MARCHF1: variants seen among roughly 807,000 people sequenced by gnomAD.
MARCHF1 encodes E3 ubiquitin-protein ligase MARCHF1.
In MARCHF1, 40 loss-of-function variants were observed where a neutral mutation model predicts 54.2. That is an observed-to-expected ratio of 0.74 (90% CI 0.57 to 0.96). The LOEUF (loss-of-function observed/expected upper bound fraction) is 0.96, where lower values mean the gene tolerates loss of function less well. Among genes scored for constraint, MARCHF1 ranks in the 40% least tolerant of loss-of-function variants. The pLI, the probability that MARCHF1 is intolerant of heterozygous loss-of-function variation, is 0.00. For synonymous variants in MARCHF1, 236 were observed against 236.3 expected (o/e 1.00, Z 0.01); for missense variants, 586 against 656.5 (o/e 0.89, Z 1.17).
At chr4:164,344,780 A>G (rs1730030489) in intron 1 of MARCHF1, among the ~76,000 whole-genome samples, 1 of 152,184 alleles carries the variant, frequency 6.6e-6, no homozygotes, top group African/African-American at 2.4e-5. Context: ...CATACAAAGA[A>G]ATAAAACTAA....
intron 5 of MARCHF1, among the ~76,000 whole-genome samples, chr4:163,678,808 T>C (rs1744000330): frequency 6.6e-6 from 1 of 152,248 alleles, no homozygotes. Flanking sequence ...TGCCTCACTG[T>C]TTATCCACAT....
intron 3 of MARCHF1, among the ~76,000 whole-genome samples, chr4:163,912,358 T>TAA (rs144462349): frequency 6.6e-6 from 1 of 151,712 alleles, no homozygotes; most frequent in Non-Finnish European, 1.5e-5. Flanking sequence ...TCAAGGAAAA[T>TAA]AAAAAAAGTG....
At chr4:163,562,282 C>T (rs1190752187) in intron 8 of MARCHF1, among the ~76,000 whole-genome samples, 1 of 149,410 alleles carries the variant, frequency 6.7e-6, no homozygotes, top group African/African-American at 2.5e-5. Flanking sequence ...GGCGTCAGAG[C>T]CAGACTCTGT....
chr4:163,781,116 C>T (rs1031872529), intron 4 of MARCHF1, among the ~76,000 whole-genome samples: 3 of 149,458 alleles, frequency 2.0e-5, no homozygotes, highest in South Asian at 2.2e-4. Flanking sequence ...GGCCAAGGGG[C>T]GGGGGGGGTG....
chr4:164,312,184 ACAGAGAACAGATATCC>A (rs1204197316), intron 1 of MARCHF1, among the ~76,000 whole-genome samples: 1 of 152,200 alleles, frequency 6.6e-6, no homozygotes, highest in East Asian at 1.9e-4. Context: ...AATTCAAATT[ACAGAGAACAGATATCC>A]CAGAAGCTTC....
chr4:164,231,824 C>A (rs1732421240), intron 1 of MARCHF1, among the ~76,000 whole-genome samples: 2 of 152,070 alleles, frequency 1.3e-5, no homozygotes, highest in Non-Finnish European at 2.9e-5. Context: ...GTAATAAATT[C>A]TGACAGAAAA....
At chr4:163,706,862 C>T (rs976541366) in intron 4 of MARCHF1, among the ~76,000 whole-genome samples, 37 of 152,006 alleles carry the variant, frequency 2.4e-4, no homozygotes, top group Middle Eastern at 3.4e-3. Context: ...AGGCATTGTA[C>T]ATATTAAAAC....
At chr4:163,935,341 C>T (rs2110733738) in intron 3 of MARCHF1, among the ~76,000 whole-genome samples, 1 of 152,208 alleles carries the variant, frequency 6.6e-6, no homozygotes, top group South Asian at 2.1e-4. Context: ...TAACATCTTC[C>T]AATAAAAGGA....
intron 3 of MARCHF1, among the ~76,000 whole-genome samples, chr4:163,922,199 G>A (rs1450216854): frequency 2.7e-5 from 4 of 147,758 alleles, no homozygotes; most frequent in African/African-American, 7.5e-5. Flanking sequence ...AGCATCACAC[G>A]CCGGGGCCTG....
chr4:163,844,119 C>T (rs1487898101), intron 4 of MARCHF1, among the ~76,000 whole-genome samples: 1 of 152,010 alleles, frequency 6.6e-6, no homozygotes, highest in Non-Finnish European at 1.5e-5. Context: ...CTGATCCTCT[C>T]CCTACCCCAA....
chr4:163,884,207 C>T (rs1026152210), intron 3 of MARCHF1, among the ~76,000 whole-genome samples: 4 of 151,948 alleles, frequency 2.6e-5, no homozygotes, highest in Non-Finnish European at 4.4e-5. Flanking sequence ...TGAGAGACCA[C>T]CCCCCAGAGT....
In MARCHF1 at chr4:164,235,278, A is replaced by G. The variant is rs1732516828; in HGVS notation, c.-322-123616T>C. ...TTCAAATTCTAAATGGCCCTAAATA[A>G]CAAAAATATACAAAATTATCTACTT... is the stretch of plus-strand genomic sequence containing the variant. On this transcript the variant is annotated intron_variant, in intron 1 of 9. Coordinates refer to ENST00000514618, the MANE Select transcript of MARCHF1 (RefSeq NM_001394959.1). Among the ~76,000 whole-genome samples, 2 of 152,172 alleles carry G rather than the reference A, an allele frequency of 1.3e-5. 1 individual carries two copies. The highest frequency in any genetic ancestry group is 4.1e-4 in the South Asian group (2 of 4,834).
chr4:163,938,607 T>C (rs1751849373), intron 3 of MARCHF1, among the ~76,000 whole-genome samples: 1 of 152,132 alleles, frequency 6.6e-6, no homozygotes, highest in Non-Finnish European at 1.5e-5. Context: ...ACTTATTCCT[T>C]TAACCTGAAG....
At chr4:163,994,795 A>T (rs1163287812) in intron 2 of MARCHF1, among the ~76,000 whole-genome samples, 1 of 12,644 alleles carries the variant, frequency 7.9e-5, no homozygotes, top group Non-Finnish European at 7.6e-3. Flanking sequence ...ACACACACAC[A>T]AAACAAATGC....
chr4:164,146,196 T>A (rs1448326621), intron 1 of MARCHF1, among the ~76,000 whole-genome samples: 1 of 145,318 alleles, frequency 6.9e-6, no homozygotes, highest in Non-Finnish European at 1.5e-5. Context: ...TGGAAGAACA[T>A]TCCATGCTCA....
In MARCHF1 at chr4:164,136,104, C is replaced by T. The variant is rs1266453914; in HGVS notation, c.-322-24442G>A. Among the ~76,000 whole-genome samples the T allele has an allele frequency of 5.3e-5, 8 of 150,978 alleles. No individual in the cohort carries two copies. The South Asian group carries it at 1.5e-3, about 28-fold the overall frequency. ...TTTTTTTTTTTCCTGTGCAGATCAG[C>T]ATCAGTTTAAATATATCCTCACTGG... On this transcript the variant is annotated intron_variant, in intron 1 of 9. Transcript: ENST00000514618.
At chr4:163,675,814 C>G (rs952416367) in intron 5 of MARCHF1, among the ~76,000 whole-genome samples, 6 of 152,082 alleles carry the variant, frequency 3.9e-5, no homozygotes, top group Admixed American at 2.6e-4. Context: ...GTTTACTGTT[C>G]CCTGCTACAA....
At chr4:163,628,982 A>G (rs563259228) in intron 5 of MARCHF1, among the ~76,000 whole-genome samples, 1 of 152,352 alleles carries the variant, frequency 6.6e-6, no homozygotes. Flanking sequence ...TGCCCAAAGT[A>G]ATTTATAGAT....
chr4:163,573,525 A>G (rs1186905070), intron 8 of MARCHF1, among the ~76,000 whole-genome samples: 1 of 132,730 alleles, frequency 7.5e-6, no homozygotes, highest in African/African-American at 2.9e-5. Context: ...ATGTGATCTC[A>G]TTGTTCAGTT....
Sources: allele counts gnomAD v4.1 joint callset (sites outside exome capture counted in the v4.1 genomes callset), GRCh38; gene constraint gnomAD v4.1.1; transcripts MANE v1.5; gene names NCBI Gene and HGNC (gene_info 2026-07-23, HGNC 2026-07-21).